Variants in ARHGAP19 observed in about 807,000 individuals in gnomAD.
The protein encoded by ARHGAP19 is Rho GTPase activating protein 19, also known as rho GTPase-activating protein 19.
In ARHGAP19, 48 loss-of-function variants were observed where a neutral mutation model predicts 60.9. The observed-to-expected ratio is 0.79, with a 90% CI of 0.62 to 1.00. ARHGAP19 has a LOEUF of 1.00. Ranked by LOEUF, ARHGAP19 falls within the 50% of genes least tolerant of loss-of-function variation. The probability of loss-of-function intolerance (pLI) is 0.00; values close to 1 mark genes in which losing one functional copy is unlikely to be tolerated. For synonymous variants in ARHGAP19, 209 were observed against 215.5 expected (o/e 0.97, Z 0.27); for missense variants, 562 against 597.2 (o/e 0.94, Z 0.61).
Position 97,237,728 on chromosome 10 carries a change from G to A in ARHGAP19, c.1186-2413C>T, listed in dbSNP as rs185855703. On this transcript the variant is annotated intron_variant, in intron 8 of 11. Coordinates refer to ENST00000358531, the MANE Select transcript of ARHGAP19 (RefSeq NM_032900.6). ...TGTACTAAAAATACAAAAATTAGCT[G>A]GGCGTGGTGGTGGGCGCCTGTAATC... Among the ~76,000 whole-genome samples, 883 of 152,066 alleles carry A rather than the reference G, an allele frequency of 5.8e-3. 11 individuals carry two copies. The highest frequency in any genetic ancestry group is 0.02 in the African/African-American group (826 of 41,482).
rs1232732913 is a variant in ARHGAP19, at chr10:97,235,433, T to C, written c.1186-118A>G. 3.6e-6 allele frequency: 3 copies of C among 837,208 alleles called. No homozygotes were observed. In the Admixed American group the frequency reaches 8.0e-5, roughly 22 times the overall value. 51.9% of individuals were successfully genotyped at this position (837,208 alleles called of 1,614,324 possible). On this transcript the variant is annotated intron_variant, in intron 8 of 11. Coordinates refer to ENST00000358531, the MANE Select transcript of ARHGAP19 (RefSeq NM_032900.6). Reference sequence around the variant, plus strand: ...AGGAAAAACTGAGTCTGCGCATAGATGGATTAGGAGGTCAAAAAGCCAATC... The same window carrying C: ...AGGAAAAACTGAGTCTGCGCATAGACGGATTAGGAGGTCAAAAAGCCAATC...
At chr10:97,249,891 C>CG (rs1293979809) in intron 6 of ARHGAP19, among the ~76,000 whole-genome samples, 1 of 151,232 alleles carries the variant, frequency 6.6e-6, no homozygotes, top group Non-Finnish European at 1.5e-5. Flanking sequence ...CTCCACCTCC[C>CG]GGGTTCACGC....
At chr10:97,256,499 T>C in intron 5 of ARHGAP19, 95 bp from the exon 6 acceptor site, 1 of 913,526 alleles carries the variant, frequency 1.1e-6, no homozygotes, top group Non-Finnish European at 1.8e-6. Context: ...GAAGTTTCTA[T>C]CCCTAGCCTA....
intron 1 of ARHGAP19, among the ~76,000 whole-genome samples, chr10:97,289,146 G>T (rs1278293222): frequency 8.1e-6 from 1 of 123,622 alleles, no homozygotes; most frequent in African/African-American, 3.2e-5. Context: ...ACGTAGTCTC[G>T]CTCTGTCGCC....
chr10:97,291,671 T>C (rs1055224999), intron 1 of ARHGAP19, among the ~76,000 whole-genome samples: 1 of 152,186 alleles, frequency 6.6e-6, no homozygotes, highest in Admixed American at 6.6e-5. Context: ...AGTTATTAGT[T>C]TCCCAAGATT....
At chr10:97,247,816 T>C (rs1031982252) in intron 6 of ARHGAP19, among the ~76,000 whole-genome samples, 1 of 152,114 alleles carries the variant, frequency 6.6e-6, no homozygotes, top group Non-Finnish European at 1.5e-5. Context: ...TATATTTGTG[T>C]AAGAAAAAAC....
chr10:97,246,190 C>T, intron 7 of ARHGAP19, 82 bp downstream of exon 7: 1 of 1,158,382 alleles, frequency 8.6e-7, no homozygotes, highest in Admixed American at 1.9e-5. Context: ...CATGCTTTTA[C>T]TTTGACTTCA....
intron 1 of ARHGAP19, among the ~76,000 whole-genome samples, chr10:97,280,530 A>T (rs1179736466): frequency 6.6e-5 from 10 of 152,156 alleles, no homozygotes; most frequent in Non-Finnish European, 1.5e-5. Context: ...TTATCTAAAA[A>T]ATATTTGCTC....
chr10:97,280,900 T>C (rs1372580202), intron 1 of ARHGAP19, among the ~76,000 whole-genome samples: 1 of 152,214 alleles, frequency 6.6e-6, no homozygotes, highest in Non-Finnish European at 1.5e-5. Flanking sequence ...GACTTTTAAG[T>C]GCCATGAGTC....
Position 97,224,236 on chromosome 10 carries a change from A to G in ARHGAP19, c.*1886T>C, listed in dbSNP as rs1850856351. On this transcript the variant is annotated 3_prime_UTR_variant, in exon 12 of 12. Transcript: ENST00000358531. The stretch of plus-strand genomic sequence containing the variant: ...TCTAAACAAATAAAGGAAAGAAGGA[A>G]GAGTTAAGGAAGAATACCATTTCAA... 6.6e-6 allele frequency: 1 copy of G among 152,258 alleles called. No individual in the cohort carries two copies. The highest frequency in any genetic ancestry group is 1.5e-5 in the Non-Finnish European group (1 of 68,046). 9.4% of individuals were successfully genotyped at this position (152,258 alleles called of 1,614,324 possible). A position where few individuals can be genotyped will look rare whatever the true frequency, so the allele number is the denominator to read the frequency against.
At chr10:97,237,854 G>A (rs1229587744) in intron 8 of ARHGAP19, among the ~76,000 whole-genome samples, 1 of 151,796 alleles carries the variant, frequency 6.6e-6, no homozygotes, top group Non-Finnish European at 1.5e-5. Flanking sequence ...CTGGGCGAAA[G>A]AGCGAGACTC....
chr10:97,247,534 C>G (rs2487274), intron 6 of ARHGAP19, among the ~76,000 whole-genome samples: 1 of 152,044 alleles, frequency 6.6e-6, no homozygotes, highest in Admixed American at 6.6e-5. Flanking sequence ...AAAACACACT[C>G]GTATAAGATT....
intron 1 of ARHGAP19, among the ~76,000 whole-genome samples, chr10:97,267,637 G>C (rs1361719539): frequency 6.6e-6 from 1 of 152,250 alleles, no homozygotes; most frequent in Non-Finnish European, 1.5e-5. Flanking sequence ...CTGAAATCTA[G>C]GCTGAGGTTC....
At chr10:97,227,119 AG>A (rs369426710) in intron 11 of ARHGAP19, among the ~76,000 whole-genome samples, 1 of 152,354 alleles carries the variant, frequency 6.6e-6, no homozygotes, top group African/African-American at 2.4e-5. Flanking sequence ...TAGTGTGCCA[AG>A]GTTGAGAAAT....
At chr10:97,278,309 C>T (rs1357076473) in intron 1 of ARHGAP19, among the ~76,000 whole-genome samples, 1 of 152,196 alleles carries the variant, frequency 6.6e-6, no homozygotes, top group Admixed American at 6.5e-5. Flanking sequence ...AAATATTCTG[C>T]ACGAATCCTT....
chr10:97,266,498 A>G (rs988961419), intron 1 of ARHGAP19, among the ~76,000 whole-genome samples: 1 of 152,066 alleles, frequency 6.6e-6, no homozygotes, highest in Non-Finnish European at 1.5e-5. Flanking sequence ...CTTACATTAC[A>G]TTGGGCTATA....
intron 1 of ARHGAP19, among the ~76,000 whole-genome samples, chr10:97,291,262 C>A (rs1843227733): frequency 6.6e-6 from 1 of 152,064 alleles, no homozygotes; most frequent in South Asian, 2.1e-4. Context: ...AATCTTGCAA[C>A]TGCAAAACAA....
At chr10:97,291,989 C>T (rs1226533602) in intron 1 of ARHGAP19, among the ~76,000 whole-genome samples, 3 of 152,152 alleles carry the variant, frequency 2.0e-5, no homozygotes, top group Admixed American at 1.3e-4. Context: ...AGAAGAAAAT[C>T]TATTGCGTAG....
Position 97,265,907 on chromosome 10 carries a change from C to G in ARHGAP19, c.275G>C (p.Gly92Ala). The change falls in exon 2 of 12, where the codon GGC becomes GCC. Residue 92 changes from glycine (G) to alanine (A), a missense_variant. Coordinates refer to ENST00000358531, the MANE Select transcript of ARHGAP19 (RefSeq NM_032900.6). The part of the protein sequence containing the change: ...EVDLKLPGGA[G>A]PASGFFRSLM... Reference sequence around the variant, plus strand: ...AGACCGGAAGAATCCTGATGCTGGGCCAGCCCCGCCAGGCAACTTAAGGTC... The same window carrying G: ...AGACCGGAAGAATCCTGATGCTGGGGCAGCCCCGCCAGGCAACTTAAGGTC... The G allele has an allele frequency of 6.2e-7, 1 of 1,614,086 alleles. No individual in the cohort carries two copies. The highest frequency in any genetic ancestry group is 1.3e-5 in the African/African-American group (1 of 75,014).
Sources: allele counts gnomAD v4.1 joint callset (sites outside exome capture counted in the v4.1 genomes callset), GRCh38; gene constraint gnomAD v4.1.1; transcripts MANE v1.5; gene names NCBI Gene and HGNC (gene_info 2026-07-23, HGNC 2026-07-21).